Variants in MYH11 observed in about 807,000 individuals in gnomAD.
MYH11 encodes myosin heavy chain 11.
A neutral mutation model predicts 246.6 loss-of-function variants in MYH11; 80 were observed. That is an observed-to-expected ratio of 0.32 (90% CI 0.27 to 0.39). MYH11 has a LOEUF of 0.39. MYH11 is among the 10% of genes least tolerant of loss of function. The pLI, the probability that MYH11 is intolerant of heterozygous loss-of-function variation, is 1.00. For synonymous variants in MYH11, 1,071 were observed against 1,015.5 expected (o/e 1.05, Z -1.04); for missense variants, 2,158 against 2,546.8 (o/e 0.85, Z 3.29).
At chr16:15,833,368 A>AGAGGGAGG (rs1330393291) in intron 2 of MYH11, among the ~76,000 whole-genome samples, 1 of 131,348 alleles carries the variant, frequency 7.6e-6, no homozygotes, top group East Asian at 2.1e-4. Flanking sequence ...GAAGAAAGAG[A>AGAGGGAGG]GAGGGAGGGA....
rs2041817769 is a variant in MYH11 at position 15,759,557 on chromosome 16, G to A, written c.1401+19C>T. On this transcript the variant is annotated intron_variant, in intron 12 of 40. Coordinates refer to ENST00000300036, the MANE Select transcript of MYH11 (RefSeq NM_002474.3). ...CAGACAACCAAGACCATGGCTCTTA[G>A]GATCCCACCGAGCTGTACCTCAAAG... 1.2e-6 allele frequency: 2 copies of A among 1,613,982 alleles called. No homozygotes were observed. The highest frequency in any genetic ancestry group is 1.3e-5 in the African/African-American group (1 of 74,906).
rs1468559687 is a variant in MYH11, at chr16:15,724,342, T to C, written c.4184A>G (p.Lys1395Arg). 3.1e-6 allele frequency: 5 copies of C among 1,614,176 alleles called. No individual in the cohort carries two copies. In the South Asian group the frequency reaches 3.3e-5, roughly 11 times the overall value. ...GTTCTCGATCTCCTTCTGGAACCTC[T>C]TCTTCCCCTCTTCCAGAGCTTCCAC... Reference protein sequence around the residue: ...STVEALEEGKKRFQKEIENLT... With the variant: ...STVEALEEGKRRFQKEIENLT... Residue 1395 changes from lysine (K) to arginine (R), a missense_variant, in exon 31 of 41, where the codon AAG becomes AGG. Lys to Arg is a conservative substitution (Grantham distance 26, BLOSUM62 2). Coordinates refer to ENST00000300036, the MANE Select transcript of MYH11 (RefSeq NM_002474.3).
At position 15,759,696 on chromosome 16, in the gene MYH11, T is replaced by C. The variant is rs1417367033; in HGVS notation, c.1281A>G (p.Ala427=). The C allele has an allele frequency of 6.2e-7, 1 of 1,614,202 alleles. No homozygotes were observed. The highest frequency in any genetic ancestry group is 1.7e-5 in the Admixed American group (1 of 60,034). Reference sequence around the variant, plus strand: ...TCCAGCGGAAAAGGCGCTCATATGTTGCCTTGGCCAAAGCCTCTACAGCAA... The same window carrying C: ...TCCAGCGGAAAAGGCGCTCATATGTCGCCTTGGCCAAAGCCTCTACAGCAA... ...ADFAVEALAK[A]TYERLFRWIL... The change falls in exon 12 of 41, where the codon GCA becomes GCG. Residue 427 remains alanine (A), a synonymous_variant. Transcript: ENST00000300036.
At chr16:15,706,703 C>CAA (rs1309892852) in intron 40 of MYH11, among the ~76,000 whole-genome samples, 1 of 127,982 alleles carries the variant, frequency 7.8e-6, no homozygotes, top group Admixed American at 8.1e-5. Context: ...AGACTGTCTC[C>CAA]AAAAAAAAAA....
intron 1 of MYH11, among the ~76,000 whole-genome samples, chr16:15,844,962 C>T (rs2044148652): frequency 6.6e-6 from 1 of 152,160 alleles, no homozygotes; most frequent in Non-Finnish European, 1.5e-5. Flanking sequence ...GTGCTGGCAA[C>T]ATTTGATTGG....
chr16:15,715,792 G>A (rs549751848), intron 38 of MYH11, among the ~76,000 whole-genome samples: 7 of 152,122 alleles, frequency 4.6e-5, no homozygotes, highest in Admixed American at 3.3e-4. Context: ...GACTACAGGC[G>A]TACACCAGCA....
intron 3 of MYH11, among the ~76,000 whole-genome samples, chr16:15,819,787 T>C (rs77204060): frequency 0.14 from 20,844 of 152,182 alleles, 1,478 homozygotes; most frequent in East Asian, 0.15. Context: ...CTGACTTCTA[T>C]GAAACTGGTC....
At chr16:15,707,108 G>C (rs913659430) in intron 40 of MYH11, among the ~76,000 whole-genome samples, 1 of 152,060 alleles carries the variant, frequency 6.6e-6, no homozygotes, top group African/African-American at 2.4e-5. Flanking sequence ...GCGTGATCTT[G>C]GCTCACTGCA....
chr16:15,763,688 T>A, intron 10 of MYH11, 108 bp downstream of exon 10: 1 of 967,804 alleles, frequency 1.0e-6, no homozygotes, highest in Non-Finnish European at 1.7e-6. Context: ...CCAACTGTTG[T>A]TAAAATCCCA....
chr16:15,765,135 TAGGTGGA>T (rs535939942), intron 9 of MYH11, among the ~76,000 whole-genome samples: 3 of 151,984 alleles, frequency 2.0e-5, no homozygotes, highest in Non-Finnish European at 4.4e-5. Flanking sequence ...GGATGGATGG[TAGGTGGA>T]AGGTGGATGG....
chr16:15,758,113 T>C (rs2041778975), intron 12 of MYH11, 113 bp from the exon 13 acceptor site: 1 of 1,496,274 alleles, frequency 6.7e-7, no homozygotes, highest in African/African-American at 1.4e-5. Flanking sequence ...CACATCCTGT[T>C]CTGCCATCCC....
chr16:15,844,331 A>G, intron 1 of MYH11, among the ~76,000 whole-genome samples: 1 of 152,046 alleles, frequency 6.6e-6, no homozygotes, highest in Non-Finnish European at 1.5e-5. Context: ...CCGAGGAGCT[A>G]GGATTACAGG....
chr16:15,819,887 C>G (rs186422243), intron 3 of MYH11, among the ~76,000 whole-genome samples: 1 of 152,160 alleles, frequency 6.6e-6, no homozygotes, highest in Non-Finnish European at 1.5e-5. Context: ...CAAGAGCGAT[C>G]AAACTCCACC....
chr16:15,786,373 G>T (rs1233018946), intron 5 of MYH11: 1 of 641,230 alleles, frequency 1.6e-6, no homozygotes, highest in Non-Finnish European at 2.9e-6. Flanking sequence ...GGAAGATCTC[G>T]CTATGGAAGG....
intron 3 of MYH11, among the ~76,000 whole-genome samples, chr16:15,822,878 A>C (rs1456973824): frequency 1.3e-5 from 2 of 152,248 alleles, no homozygotes; most frequent in Non-Finnish European, 2.9e-5. Context: ...GAAGAGGAAA[A>C]GATATTTACC....
At chr16:15,768,234 A>T (rs1445609391) in intron 9 of MYH11, among the ~76,000 whole-genome samples, 1 of 152,170 alleles carries the variant, frequency 6.6e-6, no homozygotes, top group Non-Finnish European at 1.5e-5. Flanking sequence ...AACATCAGAC[A>T]TGTGTACCAC....
intron 8 of MYH11, among the ~76,000 whole-genome samples, chr16:15,774,411 G>A (rs1203379095): frequency 6.6e-6 from 1 of 152,124 alleles, no homozygotes; most frequent in Non-Finnish European, 1.5e-5. Context: ...GTTTTCTTGG[G>A]TGCCAAATAA....
chr16:15,724,985 A>G lies in MYH11; in HGVS notation c.3866T>C (p.Val1289Ala), dbSNP rs16967510. Reference sequence around the variant, plus strand: ...GTTAAGCATCCCTGTGACGCTCTCAACTTCATTCTAAGGGTGCCAAGAGAC... The same window carrying G: ...GTTAAGCATCCCTGTGACGCTCTCAGCTTCATTCTAAGGGTGCCAAGAGAC... ...NDKVHKLQNE[V>A]ESVTGMLNEA... The change falls in exon 29 of 41, where the codon GTT becomes GCT. Residue 1289 changes from valine (V) to alanine (A), a missense_variant. Coordinates refer to ENST00000300036, the MANE Select transcript of MYH11 (RefSeq NM_002474.3). 0.056 allele frequency: 91,037 copies of G among 1,613,508 alleles called. 3,024 individuals carry two copies. The highest frequency in any genetic ancestry group is 0.067 in the Non-Finnish European group (79,258 of 1,179,664).
intron 38 of MYH11, 60 bp from the exon 39 acceptor site, chr16:15,715,332 G>GT: frequency 6.5e-7 from 1 of 1,548,038 alleles, no homozygotes; most frequent in East Asian, 2.2e-5. Context: ...TGTAGCTGGT[G>GT]TGTCACCTGG....
Sources: allele counts gnomAD v4.1 joint callset (sites outside exome capture counted in the v4.1 genomes callset), GRCh38; gene constraint gnomAD v4.1.1; transcripts MANE v1.5; gene names NCBI Gene and HGNC (gene_info 2026-07-23, HGNC 2026-07-21).